Variants in MAGI1 observed in about 807,000 individuals in gnomAD.
MAGI1 encodes membrane associated guanylate kinase, WW and PDZ domain containing 1, also known as membrane-associated guanylate kinase, WW and PDZ domain-containing protein 1.
A neutral mutation model predicts 139.9 loss-of-function variants in MAGI1; 58 were observed. The observed-to-expected ratio is 0.41, with a 90% CI of 0.34 to 0.52. The LOEUF (loss-of-function observed/expected upper bound fraction) is 0.52, where lower values mean the gene tolerates loss of function less well. MAGI1 is among the 20% of genes least tolerant of loss of function. The pLI, the probability that MAGI1 is intolerant of heterozygous loss-of-function variation, is 0.12. For missense variants in MAGI1, 1,874 were observed against 1,901.6 expected (o/e 0.99, Z 0.27); for synonymous variants, 812 against 737.9 (o/e 1.10, Z -1.63).
At chr3:65,706,016 C>A (rs2030208090) in intron 1 of MAGI1, among the ~76,000 whole-genome samples, 2 of 152,202 alleles carry the variant, frequency 1.3e-5, no homozygotes, top group Admixed American at 6.5e-5. Context: ...AAAGTACAAA[C>A]TGACTGTATT....
intron 1 of MAGI1, among the ~76,000 whole-genome samples, chr3:65,654,267 T>A (rs2085741634): frequency 1.3e-5 from 2 of 152,164 alleles, no homozygotes; most frequent in South Asian, 4.1e-4. Context: ...ATGGAAACTG[T>A]TGTCATTTGA....
rs2069070946 is a variant in MAGI1 at position 66,038,698 on chromosome 3, C to T, written c.-390G>A. 1 of 175,130 alleles carries T rather than the reference C, an allele frequency of 5.7e-6. No individual in the cohort carries two copies. Among genetic ancestry groups the T allele is most frequent in the Admixed American group, 5.9e-5 (1 of 17,086 alleles). The allele number at this position is 175,130 out of a possible 1,614,324, so 10.8% of individuals were successfully genotyped here. On this transcript the variant is annotated 5_prime_UTR_variant, in exon 1 of 23. Transcript: ENST00000402939. ...CCTCCTCTTTGCCTCCCGCCCGGCT[C>T]GCCTCTCCTCGCTGGCAGGCTGTTA...
intron 2 of MAGI1, among the ~76,000 whole-genome samples, chr3:65,505,947 A>G (rs945006253): frequency 2.0e-5 from 3 of 152,174 alleles, no homozygotes; most frequent in South Asian, 4.1e-4. Context: ...AAATAATAAT[A>G]AATAGTATAA....
intron 1 of MAGI1, among the ~76,000 whole-genome samples, chr3:65,656,971 C>T (rs1291142425): frequency 6.6e-5 from 6 of 91,336 alleles, no homozygotes; most frequent in Admixed American, 3.5e-4. Flanking sequence ...CACAGGAGGA[C>T]ACCATCTCAA....
intron 1 of MAGI1, chr3:65,844,319 C>T: frequency 3.1e-6 from 1 of 325,018 alleles, no homozygotes; most frequent in East Asian, 9.2e-5. Flanking sequence ...ACGAGCTCTC[C>T]CTGCCACATC....
chr3:65,536,375 T>C (rs2078958956), intron 2 of MAGI1, among the ~76,000 whole-genome samples: 1 of 152,196 alleles, frequency 6.6e-6, no homozygotes, highest in African/African-American at 2.4e-5. Flanking sequence ...CCTGGATACA[T>C]ACATATCTCT....
chr3:65,835,455 T>C (rs1363971901), intron 1 of MAGI1, among the ~76,000 whole-genome samples: 1 of 152,194 alleles, frequency 6.6e-6, no homozygotes, highest in Non-Finnish European at 1.5e-5. Context: ...ATCAAGCAAG[T>C]AGAGAAAATA....
chr3:65,672,139 T>C (rs1477059658), intron 1 of MAGI1, among the ~76,000 whole-genome samples: 1 of 152,172 alleles, frequency 6.6e-6, no homozygotes, highest in Non-Finnish European at 1.5e-5. Context: ...ACTAGAAACC[T>C]TGACTCCAAA....
chr3:65,628,869 T>C (rs957476792), intron 1 of MAGI1, among the ~76,000 whole-genome samples: 2 of 152,196 alleles, frequency 1.3e-5, no homozygotes, highest in African/African-American at 4.8e-5. Context: ...AGTTTTTAAA[T>C]TGTCTTTTAT....
chr3:65,412,019 G>A (rs12489099), intron 12 of MAGI1, among the ~76,000 whole-genome samples: 44,411 of 151,946 alleles, frequency 0.29, 7,544 homozygotes, highest in South Asian at 0.44. Flanking sequence ...AACTTTAAAC[G>A]GCAGAAATCA....
chr3:65,904,729 AAG>A (rs1277340141), intron 1 of MAGI1, among the ~76,000 whole-genome samples: 1 of 152,196 alleles, frequency 6.6e-6, no homozygotes, highest in Non-Finnish European at 1.5e-5. Flanking sequence ...CAAAATAGTG[AAG>A]AGTTTAATTG....
chr3:65,369,715 C>A (rs1282528247), intron 18 of MAGI1, among the ~76,000 whole-genome samples: 1 of 152,022 alleles, frequency 6.6e-6, no homozygotes, highest in African/African-American at 2.4e-5. Flanking sequence ...CGCCATGTTG[C>A]CTGGGCTGGT....
At chr3:65,433,027 C>A (rs1947578153) in intron 10 of MAGI1, among the ~76,000 whole-genome samples, 1 of 152,110 alleles carries the variant, frequency 6.6e-6, no homozygotes, top group Non-Finnish European at 1.5e-5. Flanking sequence ...GGTTTTCTTA[C>A]TATCCCCAAC....
intron 1 of MAGI1, among the ~76,000 whole-genome samples, chr3:65,770,978 A>T (rs886153478): frequency 6.6e-6 from 1 of 151,962 alleles, no homozygotes; most frequent in Non-Finnish European, 1.5e-5. Context: ...AACGCAAGCC[A>T]CTACGCCCAG....
At chr3:65,363,658 G>C (rs1211749286) in intron 20 of MAGI1, 50 bp from the exon 21 acceptor site, 20 of 1,532,772 alleles carry the variant, frequency 1.3e-5, no homozygotes, top group Non-Finnish European at 1.8e-5. Context: ...AATATCCATA[G>C]GACTCTTCCT....
intron 5 of MAGI1, among the ~76,000 whole-genome samples, chr3:65,465,323 A>G (rs1950098588): frequency 6.7e-6 from 1 of 149,560 alleles, no homozygotes; most frequent in African/African-American, 2.4e-5. Flanking sequence ...TCTTTTCCTC[A>G]TTGTTTTTGT....
At position 65,437,149 on chromosome 3, in the gene MAGI1, C is replaced by T; in HGVS notation, c.1363+6G>A. 6.3e-7 allele frequency: 1 copy of T among 1,585,712 alleles called. No homozygotes were observed. The highest frequency in any genetic ancestry group is 1.1e-5 in the South Asian group (1 of 89,276). ...CATGACACAATTAGAAAGACAAGTA[C>T]TTTACCCTGAAGTGGAACTTCTCTG... On this transcript the variant is annotated splice_donor_region_variant and intron_variant, in intron 10 of 22. Transcript: ENST00000402939.
intron 1 of MAGI1, among the ~76,000 whole-genome samples, chr3:65,914,722 T>A (rs562789065): frequency 6.6e-6 from 1 of 152,374 alleles, no homozygotes; most frequent in Admixed American, 6.5e-5. Flanking sequence ...TTGAGAACAG[T>A]ATCAACCCAA....
At chr3:65,521,870 G>A (rs562741689) in intron 2 of MAGI1, among the ~76,000 whole-genome samples, 1 of 152,240 alleles carries the variant, frequency 6.6e-6, no homozygotes, top group African/African-American at 2.4e-5. Context: ...AATTATAATG[G>A]TGATTAATCT....
Sources: gnomAD v4.1 joint callset for allele counts (sites outside exome capture counted in the v4.1 genomes callset) on GRCh38, gnomAD v4.1.1 for gene constraint, MANE v1.5 for transcripts, NCBI Gene and HGNC (gene_info 2026-07-23, HGNC 2026-07-21) for gene names.